ANTXR1: variants seen among roughly 807,000 people sequenced by gnomAD.
ANTXR1 encodes ANTXR cell adhesion molecule 1.
A neutral mutation model predicts 78.1 loss-of-function variants in ANTXR1; 19 were observed. That is an observed-to-expected ratio of 0.24 (90% CI 0.17 to 0.36). ANTXR1 has a LOEUF of 0.36. Ranked by LOEUF, ANTXR1 falls within the 10% of genes least tolerant of loss-of-function variation. The pLI is 1.00. For synonymous variants in ANTXR1, 273 were observed against 260.5 expected, an observed-to-expected ratio of 1.05 and a Z score of -0.46; for missense variants, 518 against 718.6, an observed-to-expected ratio of 0.72 and a Z score of 3.19.
rs1440636116 is a variant in ANTXR1, at chr2:69,103,082, T to C, written c.802+142T>C. 1.1e-5 allele frequency: 10 copies of C among 879,318 alleles called. No homozygotes were observed. The East Asian group carries it at 1.8e-4, about 16-fold the overall frequency. 54.5% of individuals were successfully genotyped at this position (879,318 alleles called of 1,614,324 possible). ...GCTGGAAAGACCCCCAGCAAGGGCA[T>C]AGTGAGCCCTTACAGTGGTTCCAGT... On this transcript the variant is annotated intron_variant, in intron 10 of 17. Transcript: ENST00000303714.
intron 3 of ANTXR1, among the ~76,000 whole-genome samples, chr2:69,058,597 A>G (rs556887996): frequency 1.0e-3 from 159 of 152,328 alleles, no homozygotes; most frequent in African/African-American, 3.6e-3. Context: ...GTCACCTAAG[A>G]GATCTGATAA....
chr2:69,203,744 C>G (rs941651629), intron 17 of ANTXR1, among the ~76,000 whole-genome samples: 13 of 143,462 alleles, frequency 9.1e-5, no homozygotes, highest in Non-Finnish European at 1.6e-4. Flanking sequence ...CCTCCTCCTC[C>G]TTATTATCAC....
chr2:69,137,948 G>A (rs933395260), intron 12 of ANTXR1, among the ~76,000 whole-genome samples: 1 of 151,900 alleles, frequency 6.6e-6, no homozygotes, highest in Non-Finnish European at 1.5e-5. Flanking sequence ...GCCAGGTGTG[G>A]TAGCGGACAC....
At chr2:69,120,652 AGT>A (rs1225777494) in intron 10 of ANTXR1, among the ~76,000 whole-genome samples, 1 of 152,090 alleles carries the variant, frequency 6.6e-6, no homozygotes, top group Non-Finnish European at 1.5e-5. Flanking sequence ...TGGGTGACAG[AGT>A]GAGACTCTCA....
chr2:69,027,922 A>G (rs568933002), intron 1 of ANTXR1, among the ~76,000 whole-genome samples: 1 of 152,264 alleles, frequency 6.6e-6, no homozygotes, highest in Admixed American at 6.5e-5. Flanking sequence ...AGGGACTTAG[A>G]ACGGTTAAGG....
At chr2:69,170,104 T>C in intron 13 of ANTXR1, 144 bp from the exon 14 acceptor site, 1 of 816,036 alleles carries the variant, frequency 1.2e-6, no homozygotes, top group Non-Finnish European at 2.1e-6. Flanking sequence ...AAGACACCTC[T>C]CATGGCAGTG....
intron 3 of ANTXR1, among the ~76,000 whole-genome samples, chr2:69,046,072 C>T (rs974331337): frequency 2.0e-5 from 3 of 152,128 alleles, no homozygotes; most frequent in African/African-American, 7.2e-5. Context: ...CAAGACTCCT[C>T]ATCTTGCTCA....
chr2:69,049,555 C>T (rs1217856134), intron 3 of ANTXR1, among the ~76,000 whole-genome samples: 1 of 152,142 alleles, frequency 6.6e-6, no homozygotes, highest in Non-Finnish European at 1.5e-5. Flanking sequence ...AATAATCCAC[C>T]CACCTCGGCC....
At chr2:69,152,106 T>C (rs1673414394) in intron 12 of ANTXR1, 63 bp from the exon 13 acceptor site, 2 of 1,502,996 alleles carry the variant, frequency 1.3e-6, no homozygotes, top group Admixed American at 1.7e-5. Context: ...GATGGGAGTT[T>C]GGGGAGGGAA....
chr2:69,116,202 C>G (rs751554088), intron 10 of ANTXR1, among the ~76,000 whole-genome samples: 1 of 152,210 alleles, frequency 6.6e-6, no homozygotes, highest in Non-Finnish European at 1.5e-5. Flanking sequence ...TTCCTTTCTA[C>G]TCTCAGCAAT....
rs944828090 is a variant in ANTXR1 at position 69,078,028 on chromosome 2, G to A, written c.642+540G>A. ...TTTAATGTTGAGACCCACTGCTTTCGACCTATAATCCCCAAATACATGGGC... is the reference window on the plus strand; with the variant it reads ...TTTAATGTTGAGACCCACTGCTTTCAACCTATAATCCCCAAATACATGGGC... On this transcript the variant is annotated intron_variant, in intron 8 of 17. Coordinates refer to ENST00000303714, the MANE Select transcript of ANTXR1 (RefSeq NM_032208.3). Among the ~76,000 whole-genome samples the A allele has an allele frequency of 5.3e-5, 8 of 152,162 alleles. No homozygotes were observed. The East Asian group carries it at 5.8e-4, about 11-fold the overall frequency.
intron 1 of ANTXR1, among the ~76,000 whole-genome samples, chr2:69,015,272 C>CAA (rs10536364): frequency 0.015 from 1,397 of 91,710 alleles, 28 homozygotes; most frequent in African/African-American, 0.039. Context: ...CTTATCTTAG[C>CAA]AAAAAAAAAA....
chr2:69,133,443 A>T (rs1672817198), intron 12 of ANTXR1, among the ~76,000 whole-genome samples: 1 of 152,176 alleles, frequency 6.6e-6, no homozygotes, highest in African/African-American at 2.4e-5. Flanking sequence ...ATGAGGCAAA[A>T]CTGAACTGGA....
intron 13 of ANTXR1, among the ~76,000 whole-genome samples, chr2:69,154,383 G>A (rs1347177035): frequency 6.6e-6 from 1 of 152,134 alleles, no homozygotes; most frequent in Non-Finnish European, 1.5e-5. Context: ...TGCTTGGTCT[G>A]CCCCCTAAAA....
At chr2:69,071,084 C>A (rs921995462) in intron 4 of ANTXR1, among the ~76,000 whole-genome samples, 1 of 151,904 alleles carries the variant, frequency 6.6e-6, no homozygotes, top group African/African-American at 2.4e-5. Context: ...GGAAACAAGA[C>A]CATAAGGAAT....
chr2:69,084,922 G>T (rs961043329), intron 8 of ANTXR1, among the ~76,000 whole-genome samples: 2 of 146,798 alleles, frequency 1.4e-5, no homozygotes, highest in Non-Finnish European at 3.0e-5. Context: ...GCGCTATCTC[G>T]GCTCACTGCA....
chr2:69,063,726 CAG>C (rs964780632), intron 3 of ANTXR1, among the ~76,000 whole-genome samples: 6 of 151,740 alleles, frequency 4.0e-5, no homozygotes, highest in African/African-American at 1.2e-4. Flanking sequence ...TTGTTACAAA[CAG>C]AGAAATAAAA....
rs1558726338 is a variant in ANTXR1 at position 69,013,691 on chromosome 2, GGGCGAAAAC to G, written c.152+42_152+50del. The G allele has an allele frequency of 1.3e-6, 2 of 1,551,358 alleles. No individual in the cohort carries two copies. The highest frequency in any genetic ancestry group is 1.7e-6 in the Non-Finnish European group (2 of 1,146,804). ...TTGTCCCCCCCACCCCAGGCTAAGC[GGGCGAAAAC>G]GCTTTCGCCCCGGGCCGGGCTCGTT... On this transcript the variant is annotated intron_variant, in intron 1 of 17. Transcript: ENST00000303714. This position sits in a 1 kb window ranked among gnomAD's most constrained non-coding sequence, Gnocchi z 5.0.
At chr2:69,191,456 T>C (rs1193374557) in intron 16 of ANTXR1, among the ~76,000 whole-genome samples, 1 of 152,194 alleles carries the variant, frequency 6.6e-6, no homozygotes, top group Non-Finnish European at 1.5e-5. Context: ...TTCCCAGCAC[T>C]GTCATTCAAA....
Sources: allele counts gnomAD v4.1 joint callset (sites outside exome capture counted in the v4.1 genomes callset), GRCh38; gene constraint gnomAD v4.1.1; non-coding constraint Gnocchi (gnomAD v3.1); transcripts MANE v1.5; gene names NCBI Gene and HGNC (gene_info 2026-07-23, HGNC 2026-07-21).